BRAT1: variants seen among roughly 807,000 people sequenced by gnomAD.
BRAT1 encodes integrator complex assembly factor BRAT1.
Under a neutral mutation model 70.6 loss-of-function variants are expected in BRAT1, and 74 were observed. The observed-to-expected ratio is 1.05, with a 90% CI of 0.87 to 1.27. BRAT1 has a LOEUF of 1.27. Ranked by LOEUF, BRAT1 falls within the 50% of genes most tolerant of loss-of-function variation. BRAT1 has a pLI of 0.00. For synonymous variants in BRAT1, 615 were observed against 517.1 expected, an observed-to-expected ratio of 1.19 and a Z score of -2.57; for missense variants, 1,203 against 1,098.2, an observed-to-expected ratio of 1.10 and a Z score of -1.35.
intron 3 of BRAT1, among the ~76,000 whole-genome samples, chr7:2,546,004 C>A (rs1217111632): frequency 1.3e-5 from 2 of 152,368 alleles, no homozygotes; most frequent in African/African-American, 4.8e-5. Context: ...GCCTGTGAGG[C>A]ACCAAGAGAA....
rs1380954665 is a variant in BRAT1 at position 2,541,449 on chromosome 7, T to A, written c.1170A>T (p.Leu390=). 1.9e-6 allele frequency: 3 copies of A among 1,566,226 alleles called. No homozygotes were observed. Among genetic ancestry groups the A allele is most frequent in the East Asian group, 2.3e-5 (1 of 42,650 alleles). Residue 390 remains leucine (L), a synonymous_variant, in exon 9 of 14, where the codon CTA becomes CTT. Coordinates refer to ENST00000340611, the MANE Select transcript of BRAT1 (RefSeq NM_152743.4). ...GCAGGACAGTCACTGTAGCCCCCAG[T>A]AGAGACGCCTGGGGCCACGGTGAAG... is the stretch of plus-strand genomic sequence containing the variant. ...QRPSPWPQAS[L]LGATVTVLRL...
chr7:2,541,363 A>G lies in BRAT1; in HGVS notation c.1256T>C (p.Leu419Pro), dbSNP rs1554294683. 6.2e-7 allele frequency: 1 copy of G among 1,607,596 alleles called. No individual in the cohort carries two copies. Among genetic ancestry groups the G allele is most frequent in the Admixed American group, 1.7e-5 (1 of 59,868 alleles). Residue 419 changes from leucine to proline, a missense_variant, in exon 9 of 14, where the codon CTG becomes CCG. Transcript: ENST00000340611. ...TCGCTGGACCCGGACGCAGCCCGCC[A>G]GGGTCCCACAGAGGTGGCCCCCCAC... Reference protein sequence around the residue: ...SSVGGHLCGTLAGCVRVQRAA... With the variant: ...SSVGGHLCGTPAGCVRVQRAA...
At chr7:2,548,504 A>C (rs533657361) in intron 2 of BRAT1, among the ~76,000 whole-genome samples, 1 of 151,976 alleles carries the variant, frequency 6.6e-6, no homozygotes, top group South Asian at 2.1e-4. Context: ...TCTCTACAAA[A>C]AATAAAAAAA....
chr7:2,554,249 C>A, intron 2 of BRAT1, 56 bp downstream of exon 2: 1 of 1,598,252 alleles, frequency 6.3e-7, no homozygotes, highest in Admixed American at 1.7e-5. Context: ...GCTCCCTGTC[C>A]CAGCCTCTGC....
intron 9 of BRAT1, 40 bp downstream of exon 9, chr7:2,541,258 A>G (rs2128390694): frequency 1.3e-6 from 2 of 1,523,556 alleles, no homozygotes; most frequent in East Asian, 2.3e-5. Flanking sequence ...GTGGGGGCAC[A>G]GGGATAGCCC....
At chr7:2,542,865 G>C (rs1554295423) in intron 6 of BRAT1, 1 of 188,968 alleles carries the variant, frequency 5.3e-6, no homozygotes, top group Non-Finnish European at 1.1e-5. Flanking sequence ...GTGCTGGGGA[G>C]CTCCGAAACC....
At chr7:2,553,645 CTTTG>C (rs980752972) in intron 2 of BRAT1, among the ~76,000 whole-genome samples, 8 of 150,890 alleles carry the variant, frequency 5.3e-5, no homozygotes, top group East Asian at 1.9e-4. Flanking sequence ...ACATGTATTA[CTTTG>C]TTTTTTTTTT....
chr7:2,543,346 A>G lies in BRAT1; in HGVS notation c.804-23T>C. 1.3e-6 allele frequency: 2 copies of G among 1,560,088 alleles called. No homozygotes were observed. The highest frequency in any genetic ancestry group is 1.2e-5 in the South Asian group (1 of 84,900). ...GAACTGCAGGGAGACCCCAGAGAGA[A>G]AAATTACTCCCCCACCCTCAAAACC... On this transcript the variant is annotated intron_variant, in intron 5 of 13. Transcript: ENST00000340611. The surrounding 1 kb of genome is among the most constrained non-coding windows in gnomAD (Gnocchi z 5.5).
At chr7:2,539,377 G>A (rs369603961) in intron 12 of BRAT1, 26 bp from the exon 13 acceptor site, 254 of 1,586,678 alleles carry the variant, frequency 1.6e-4, no homozygotes, top group Non-Finnish European at 2.0e-4. Flanking sequence ...GCCACATGCA[G>A]CTGTGACTGA....
chr7:2,545,496 C>CTTTTTTTTTTT (rs71550356), intron 3 of BRAT1, among the ~76,000 whole-genome samples: 1 of 130,026 alleles, frequency 7.7e-6, no homozygotes. Flanking sequence ...CTTTCTTCTT[C>CTTTTTTTTTTT]TTTTTTTTTT....
Position 2,541,410 on chromosome 7 carries a change from G to A in BRAT1, c.1209C>T (p.Gly403=). 1.3e-6 allele frequency: 2 copies of A among 1,598,476 alleles called. No individual in the cohort carries two copies. Among genetic ancestry groups the A allele is most frequent in the Non-Finnish European group, 1.7e-6 (2 of 1,174,228 alleles). Residue 403 remains glycine (G), a synonymous_variant, in exon 9 of 14, where the codon GGC becomes GGT. Transcript: ENST00000340611. ...CCACACTGGAGGCAGGGGCAGCCGA[G>A]CCGTCACAGAGCCGCAGGACAGTCA... The part of the protein sequence containing the change: ...ATVTVLRLCD[G]SAAPASSVGG...
rs572268803 is a variant in BRAT1, at chr7:2,544,167, C to T, written c.431-205G>A. On this transcript the variant is annotated intron_variant, in intron 4 of 13. Transcript: ENST00000340611. ...CCCCCCGAGCGTTAAACACACACAG[C>T]TTGTGATGCTTCCCAATTCGTTCCT... 3.4e-4 allele frequency: 137 copies of T among 408,486 alleles called. 3 individuals are homozygous for T. The South Asian group carries it at 8.1e-3, about 24-fold the overall frequency. The allele number at this position is 408,486 out of a possible 1,614,324, so 25.3% of individuals were successfully genotyped here.
chr7:2,552,439 C>G (rs151000255), intron 2 of BRAT1, among the ~76,000 whole-genome samples: 44 of 150,932 alleles, frequency 2.9e-4, no homozygotes, highest in Admixed American at 4.0e-4. Flanking sequence ...TATTAGAAAA[C>G]AAGGAAGACC....
rs191369297 is a variant in BRAT1, at chr7:2,545,898, G to C, written c.283-842C>G. 1.4e-4 allele frequency among the ~76,000 whole-genome samples: 21 copies of C among 152,346 alleles called. No individual in the cohort carries two copies. The East Asian group carries it at 3.5e-3, about 25-fold the overall frequency. The stretch of plus-strand genomic sequence containing the variant: ...TCTGTCCTGCAGCAAGATGGTGCCT[G>C]GGTGGGCTGCTAGGGAGCCTGCAGC... On this transcript the variant is annotated intron_variant, in intron 3 of 13. Transcript: ENST00000340611.
chr7:2,551,166 A>G (rs1779974455), intron 2 of BRAT1, among the ~76,000 whole-genome samples: 1 of 151,664 alleles, frequency 6.6e-6, no homozygotes, highest in South Asian at 2.1e-4. Flanking sequence ...TTTGAAACCC[A>G]GGAGGCGGAG....
At chr7:2,542,423 T>C (rs1039986256) in intron 6 of BRAT1, 18 of 594,648 alleles carry the variant, frequency 3.0e-5, no homozygotes, top group Non-Finnish European at 5.4e-5. Flanking sequence ...ACACTCCTGA[T>C]GTCCTTAGGA....
At chr7:2,541,207 G>A in intron 9 of BRAT1, 91 bp downstream of exon 9, 10 of 1,374,342 alleles carry the variant, frequency 7.3e-6, no homozygotes, top group Non-Finnish European at 8.8e-6. Flanking sequence ...AAGAAACAGA[G>A]AGGGACAGCA....
intron 6 of BRAT1, chr7:2,542,774 G>A (rs2128394766): frequency 5.9e-6 from 1 of 170,120 alleles, no homozygotes; most frequent in Non-Finnish European, 1.3e-5. Context: ...ACACTGGCAG[G>A]CCATCCACGG....
intron 2 of BRAT1, among the ~76,000 whole-genome samples, chr7:2,552,306 C>T (rs1378473312): frequency 6.7e-5 from 10 of 149,832 alleles, no homozygotes; most frequent in South Asian, 2.1e-4. Flanking sequence ...TTAGTAGAGA[C>T]GGGGTTTCAC....
Sources: allele counts gnomAD v4.1 joint callset (sites outside exome capture counted in the v4.1 genomes callset), GRCh38; gene constraint gnomAD v4.1.1; non-coding constraint Gnocchi (gnomAD v3.1); transcripts MANE v1.5; gene names NCBI Gene and HGNC (gene_info 2026-07-23, HGNC 2026-07-21).